Variants in PPFIA2 observed in about 807,000 individuals in gnomAD.
The protein encoded by PPFIA2 is PPFI scaffold protein A2.
Under a neutral mutation model 175.5 loss-of-function variants are expected in PPFIA2, and 46 were observed. The observed-to-expected ratio is 0.26, with a 90% confidence interval of 0.21 to 0.34. The LOEUF is 0.34. Ranked by LOEUF, PPFIA2 falls within the 10% of genes least tolerant of loss-of-function variation. The pLI, the probability that PPFIA2 is intolerant of heterozygous loss-of-function variation, is 1.00. For synonymous variants in PPFIA2, 568 were observed against 511.4 expected, an observed-to-expected ratio of 1.11 and a Z score of -1.49; for missense variants, 1,179 against 1,506.1, an observed-to-expected ratio of 0.78 and a Z score of 3.60.
intron 4 of PPFIA2, among the ~76,000 whole-genome samples, chr12:81,513,580 A>T (rs1304397569): frequency 6.6e-6 from 1 of 152,012 alleles, no homozygotes. Flanking sequence ...GATAGTACAC[A>T]GAGTTCACAT....
intron 4 of PPFIA2, among the ~76,000 whole-genome samples, chr12:81,503,669 C>T (rs540593695): frequency 8.0e-5 from 12 of 149,612 alleles, no homozygotes; most frequent in South Asian, 6.4e-4. Flanking sequence ...TAGTTTTGTA[C>T]AGTAATTAAT....
At chr12:81,537,684 T>C (rs1296510852) in intron 4 of PPFIA2, among the ~76,000 whole-genome samples, 2 of 151,836 alleles carry the variant, frequency 1.3e-5, no homozygotes, top group Non-Finnish European at 2.9e-5. Flanking sequence ...TCAAGACGTA[T>C]TTTAAGAATC....
intron 3 of PPFIA2, among the ~76,000 whole-genome samples, chr12:81,740,640 T>C (rs2082207867): frequency 6.6e-6 from 1 of 152,150 alleles, no homozygotes. Context: ...TTTCTGTTAC[T>C]GCATATAGAA....
chr12:81,467,265 G>C (rs892627063), intron 4 of PPFIA2, among the ~76,000 whole-genome samples: 4 of 152,096 alleles, frequency 2.6e-5, no homozygotes, highest in Admixed American at 2.0e-4. Context: ...AGTAATTCTT[G>C]CTGATCAAAA....
chr12:81,400,220 A>T (rs1280493949), intron 8 of PPFIA2, among the ~76,000 whole-genome samples: 1 of 152,164 alleles, frequency 6.6e-6, no homozygotes, highest in Non-Finnish European at 1.5e-5. Context: ...ATATTTCACA[A>T]TAGCATGATG....
rs973813319 is a variant in PPFIA2 at position 81,706,013 on chromosome 12, T to A, written c.250-29169A>T. 5.9e-4 allele frequency among the ~76,000 whole-genome samples: 90 copies of A among 152,330 alleles called. 1 individual carries two copies. The highest frequency in any genetic ancestry group is 1.9e-3 in the Admixed American group (29 of 15,294). Reference sequence around the variant, plus strand: ...ACAAAAATATACTATTAAAAGTATTTTTTTATTTATTTTTCTTATTTCAAA... The same window carrying A: ...ACAAAAATATACTATTAAAAGTATTATTTTATTTATTTTTCTTATTTCAAA... On this transcript the variant is annotated intron_variant, in intron 3 of 32. Coordinates refer to ENST00000549396, the MANE Select transcript of PPFIA2 (RefSeq NM_003625.5).
At chr12:81,635,061 T>C (rs1424345556) in intron 4 of PPFIA2, among the ~76,000 whole-genome samples, 1 of 152,238 alleles carries the variant, frequency 6.6e-6, no homozygotes, top group East Asian at 1.9e-4. Flanking sequence ...TTTTCTGATG[T>C]GAGACAATGG....
intron 3 of PPFIA2, among the ~76,000 whole-genome samples, chr12:81,750,770 T>A (rs1270785211): frequency 6.6e-6 from 1 of 152,140 alleles, no homozygotes; most frequent in Non-Finnish European, 1.5e-5. Context: ...GGAGAGAAAG[T>A]GACTAAAGTA....
At chr12:81,746,128 C>G (rs1174095892) in intron 3 of PPFIA2, among the ~76,000 whole-genome samples, 2 of 144,514 alleles carry the variant, frequency 1.4e-5, no homozygotes, top group Non-Finnish European at 3.1e-5. Context: ...GAGGGAAACA[C>G]TCCCACTTTA....
chr12:81,577,254 T>C (rs1186532003), intron 4 of PPFIA2, among the ~76,000 whole-genome samples: 2 of 151,986 alleles, frequency 1.3e-5, no homozygotes, highest in East Asian at 3.9e-4. Flanking sequence ...TATAGTAAAA[T>C]ATTTCACTTT....
intron 4 of PPFIA2, among the ~76,000 whole-genome samples, chr12:81,589,247 A>G (rs960163946): frequency 6.6e-6 from 1 of 152,056 alleles, no homozygotes; most frequent in Non-Finnish European, 1.5e-5. Context: ...TGCAAATGGA[A>G]GAGTTATAAC....
chr12:81,479,875 T>G (rs1191768127), intron 4 of PPFIA2, among the ~76,000 whole-genome samples: 1 of 152,148 alleles, frequency 6.6e-6, no homozygotes, highest in Non-Finnish European at 1.5e-5. Flanking sequence ...AATCTGATGA[T>G]TATGTGTCTT....
At chr12:81,281,555 G>T in intron 26 of PPFIA2, 105 bp from the exon 27 acceptor site, 1 of 721,656 alleles carries the variant, frequency 1.4e-6, no homozygotes. Flanking sequence ...TATGATATGT[G>T]GAAACAAAGC....
intron 5 of PPFIA2, among the ~76,000 whole-genome samples, chr12:81,455,849 G>C (rs913299792): frequency 8.5e-5 from 13 of 152,128 alleles, no homozygotes; most frequent in Non-Finnish European, 1.8e-4. Flanking sequence ...TTTACTAACT[G>C]TGTGACTTCT....
intron 4 of PPFIA2, among the ~76,000 whole-genome samples, chr12:81,515,234 C>A (rs554422442): frequency 4.6e-5 from 7 of 151,836 alleles, no homozygotes; most frequent in Non-Finnish European, 1.0e-4. Context: ...ATGGGGGGTA[C>A]AAGGTTACCC....
chr12:81,336,837 A>T (rs143844066), intron 21 of PPFIA2, among the ~76,000 whole-genome samples: 48 of 152,294 alleles, frequency 3.2e-4, no homozygotes, highest in Non-Finnish European at 5.1e-4. Context: ...AGAAGAAAGA[A>T]CACTGGCAAT....
chr12:81,591,467 A>C (rs955166814), intron 4 of PPFIA2, among the ~76,000 whole-genome samples: 8 of 152,208 alleles, frequency 5.3e-5, no homozygotes, highest in African/African-American at 1.9e-4. Flanking sequence ...AATAGTGAAA[A>C]TGTCTCCAGG....
intron 4 of PPFIA2, among the ~76,000 whole-genome samples, chr12:81,629,032 T>C (rs529436121): frequency 1.6e-4 from 24 of 152,254 alleles, no homozygotes; most frequent in Non-Finnish European, 3.1e-4. Flanking sequence ...TTAGTTGACC[T>C]TTCTACCTCT....
At chr12:81,318,595 CTT>C (rs1016296696) in intron 22 of PPFIA2, among the ~76,000 whole-genome samples, 1 of 151,712 alleles carries the variant, frequency 6.6e-6, no homozygotes, top group African/African-American at 2.4e-5. Flanking sequence ...TAGCTTCACA[CTT>C]TGACAAATCT....
Sources: gnomAD v4.1 joint callset for allele counts (sites outside exome capture counted in the v4.1 genomes callset) on GRCh38, gnomAD v4.1.1 for gene constraint, MANE v1.5 for transcripts, NCBI Gene and HGNC (gene_info 2026-07-23, HGNC 2026-07-21) for gene names.